Variants in FARS2 observed in about 807,000 individuals in gnomAD.
The protein encoded by FARS2 is phenylalanyl-tRNA synthetase 2, mitochondrial, also known as phenylalanine--tRNA ligase, mitochondrial.
In FARS2, 40 loss-of-function variants were observed where a neutral mutation model predicts 46.4. That is an observed-to-expected ratio of 0.86 (90% confidence interval 0.67 to 1.12). The LOEUF (loss-of-function observed/expected upper bound fraction) is 1.12, where lower values mean the gene tolerates loss of function less well. Among genes scored for constraint, FARS2 ranks in the 50% most tolerant of loss-of-function variants. The pLI is 0.00. For synonymous variants in FARS2, 234 were observed against 214.9 expected (o/e 1.09, Z -0.78); for missense variants, 513 against 567.9 (o/e 0.90, Z 0.98).
intron 2 of FARS2, among the ~76,000 whole-genome samples, chr6:5,388,624 C>T (rs949394301): frequency 5.9e-5 from 9 of 152,000 alleles, no homozygotes; most frequent in Admixed American, 4.6e-4. Context: ...TTACTTCACT[C>T]TCAGCAAAAC....
At chr6:5,741,589 C>A (rs149813347) in intron 6 of FARS2, among the ~76,000 whole-genome samples, 388 of 152,332 alleles carry the variant, frequency 2.5e-3, no homozygotes, top group African/African-American at 9.0e-3. Flanking sequence ...TATGCACCAG[C>A]AGCCAGGCTT....
At chr6:5,391,903 T>G (rs7745552) in intron 2 of FARS2, among the ~76,000 whole-genome samples, 3,967 of 152,294 alleles carry the variant, frequency 0.026, 157 homozygotes, top group African/African-American at 0.09. Flanking sequence ...TTCTGTGGCT[T>G]TTGTAAGCAG....
chr6:5,388,389 C>A (rs1037348276), intron 2 of FARS2, among the ~76,000 whole-genome samples: 1 of 152,118 alleles, frequency 6.6e-6, no homozygotes, highest in African/African-American at 2.4e-5. Context: ...CAATTTGACA[C>A]AAATCTTTTT....
At chr6:5,704,310 A>G (rs1213019532) in intron 6 of FARS2, among the ~76,000 whole-genome samples, 1 of 152,108 alleles carries the variant, frequency 6.6e-6, no homozygotes, top group South Asian at 2.1e-4. Context: ...CCCCTTTATA[A>G]AGACACCAAT....
chr6:5,546,259 T>C (rs1770982325), intron 5 of FARS2, among the ~76,000 whole-genome samples: 1 of 149,282 alleles, frequency 6.7e-6, no homozygotes, highest in Non-Finnish European at 1.5e-5. Flanking sequence ...TTTGTACTTT[T>C]TTTTTTTTTT....
At chr6:5,758,504 C>T (rs1057447002) in intron 6 of FARS2, among the ~76,000 whole-genome samples, 2 of 152,138 alleles carry the variant, frequency 1.3e-5, no homozygotes, top group African/African-American at 4.8e-5. Context: ...GGCTTAGAGC[C>T]GTGAAGGGAC....
At chr6:5,547,889 CTTAT>C (rs1771132484) in intron 5 of FARS2, among the ~76,000 whole-genome samples, 1 of 152,206 alleles carries the variant, frequency 6.6e-6, no homozygotes, top group Admixed American at 6.5e-5. Context: ...TGGAGTTATA[CTTAT>C]TTATATTTGT....
chr6:5,612,926 T>C (rs1775266705), intron 5 of FARS2, among the ~76,000 whole-genome samples: 1 of 152,182 alleles, frequency 6.6e-6, no homozygotes, highest in African/African-American at 2.4e-5. Flanking sequence ...TTAATGGCAA[T>C]ATAAATATAA....
intron 6 of FARS2, among the ~76,000 whole-genome samples, chr6:5,707,391 G>A (rs1758826827): frequency 2.0e-5 from 3 of 152,202 alleles, no homozygotes; most frequent in Non-Finnish European, 4.4e-5. Flanking sequence ...TGCTAGTTCA[G>A]GCTTCCCCAC....
At chr6:5,628,521 G>A (rs1018761614) in intron 6 of FARS2, among the ~76,000 whole-genome samples, 6 of 152,226 alleles carry the variant, frequency 3.9e-5, no homozygotes, top group Non-Finnish European at 7.3e-5. Context: ...TGGCCCCGTG[G>A]ACAGATCTGA....
chr6:5,731,849 T>C (rs1489310824), intron 6 of FARS2, among the ~76,000 whole-genome samples: 1 of 152,174 alleles, frequency 6.6e-6, no homozygotes, highest in African/African-American at 2.4e-5. Context: ...CTGGGACCCT[T>C]CCCCCTCTCA....
chr6:5,704,941 A>G (rs1001113567), intron 6 of FARS2, among the ~76,000 whole-genome samples: 18 of 152,218 alleles, frequency 1.2e-4, no homozygotes, highest in African/African-American at 4.1e-4. Flanking sequence ...GGCATAAATG[A>G]GGTAATACAT....
intron 1 of FARS2, among the ~76,000 whole-genome samples, chr6:5,263,960 C>A (rs376656932): frequency 6.6e-6 from 1 of 152,148 alleles, no homozygotes; most frequent in African/African-American, 2.4e-5. Flanking sequence ...ACCTGTAATC[C>A]CAGCACTTTG....
intron 2 of FARS2, among the ~76,000 whole-genome samples, chr6:5,397,494 C>G (rs147248329): frequency 9.3e-4 from 142 of 152,202 alleles, no homozygotes; most frequent in East Asian, 3.9e-3. Context: ...AACAAGTGTA[C>G]CACTCTGGTG....
intron 1 of FARS2, among the ~76,000 whole-genome samples, chr6:5,284,042 A>C (rs1251193519): frequency 6.6e-6 from 1 of 152,242 alleles, no homozygotes; most frequent in Non-Finnish European, 1.5e-5. Context: ...CCTCTTTCTT[A>C]GACCCTTACT....
At chr6:5,362,312 G>A (rs1293361727) in intron 1 of FARS2, among the ~76,000 whole-genome samples, 1 of 152,140 alleles carries the variant, frequency 6.6e-6, no homozygotes, top group Non-Finnish European at 1.5e-5. Context: ...ACCAATGCAA[G>A]GTATATGTTA....
intron 5 of FARS2, among the ~76,000 whole-genome samples, chr6:5,556,014 T>C (rs1771634617): frequency 6.6e-6 from 1 of 152,146 alleles, no homozygotes; most frequent in Non-Finnish European, 1.5e-5. Flanking sequence ...ATTTACATTT[T>C]TACCACCACT....
In FARS2 at chr6:5,437,307, T is replaced by C. The variant is rs1023033610; in HGVS notation, c.904+6135T>C. On this transcript the variant is annotated intron_variant, in intron 4 of 6. Coordinates refer to ENST00000274680, the MANE Select transcript of FARS2 (RefSeq NM_006567.5). ...TCTTTGTGTGGACATATATTTCCAT[T>C]CTCTAGAAGCAAAAAGCCTATGAGT... Among the ~76,000 whole-genome samples, 6 of 152,298 alleles carry C rather than the reference T, an allele frequency of 3.9e-5. No individual in the cohort carries two copies. In the South Asian group the frequency reaches 1.0e-3, roughly 26 times the overall value.
In FARS2 at chr6:5,290,787, C is replaced by T. The variant is rs1380368379; in HGVS notation, c.-22+29127C>T. ...CTAAGCTGGAGTGCAGTGGCACAAT[C>T]ATGGGTCACTGTAGCCTCCACCTCC... is the stretch of plus-strand genomic sequence containing the variant. On this transcript the variant is annotated intron_variant, in intron 1 of 6. Coordinates refer to ENST00000274680, the MANE Select transcript of FARS2 (RefSeq NM_006567.5). 3.3e-5 allele frequency among the ~76,000 whole-genome samples: 5 copies of T among 152,232 alleles called. No individual in the cohort carries two copies. The East Asian group carries it at 9.6e-4, about 29-fold the overall frequency.
Sources: gnomAD v4.1 joint callset for allele counts (sites outside exome capture counted in the v4.1 genomes callset) on GRCh38, gnomAD v4.1.1 for gene constraint, MANE v1.5 for transcripts, NCBI Gene and HGNC (gene_info 2026-07-23, HGNC 2026-07-21) for gene names.